NFATC4: variants seen among roughly 807,000 people sequenced by gnomAD.
NFATC4 encodes the protein nuclear factor of activated T-cells, cytoplasmic 4.
Under a neutral mutation model 73.4 loss-of-function variants are expected in NFATC4, and 25 were observed. The ratio of observed to expected loss-of-function variants is 0.34; its 90% CI spans 0.25 to 0.48. NFATC4 has a LOEUF of 0.48. Ranked by LOEUF, NFATC4 falls within the 20% of genes least tolerant of loss-of-function variation. The pLI is 0.99. For missense variants in NFATC4, 1,130 were observed against 1,203.7 expected, an observed-to-expected ratio of 0.94 and a Z score of 0.91; for synonymous variants, 523 against 510.3, an observed-to-expected ratio of 1.02 and a Z score of -0.34.
At chr14:24,367,534 C>A, upstream of NFATC4, 1 of 1,536,026 alleles carries the variant, frequency 6.5e-7, no homozygotes, top group Non-Finnish European at 8.7e-7. Context: ...CGGACTGCTC[C>A]CAGAGGCATC....
intron 1 of NFATC4, 126 bp downstream of exon 1, chr14:24,368,566 G>C (rs554009643): frequency 2.9e-6 from 3 of 1,050,112 alleles, no homozygotes; most frequent in African/African-American, 3.3e-5. Context: ...AAGGGAGTCG[G>C]GGGGACTCGT....
In NFATC4 at chr14:24,377,866, G is replaced by A. The variant is rs563647155; in HGVS notation, c.*161G>A. The A allele has an allele frequency of 4.9e-5, 70 of 1,414,858 alleles. No homozygotes were observed. The highest frequency in any genetic ancestry group is 9.4e-7 in the Non-Finnish European group (1 of 1,058,316). 87.6% of individuals were successfully genotyped at this position (1,414,858 alleles called of 1,614,324 possible). A position where few individuals can be genotyped will look rare whatever the true frequency, so the allele number is the denominator to read the frequency against. ...CTGTCTTCCCTCCCCTCCCCCAGCTGAGGTGTGGCCCTCAGGCCTGGTGCT... is the reference window on the plus strand; with the variant it reads ...CTGTCTTCCCTCCCCTCCCCCAGCTAAGGTGTGGCCCTCAGGCCTGGTGCT... On this transcript the variant is annotated 3_prime_UTR_variant, in exon 10 of 10. Transcript: ENST00000250373. This position sits in a 1 kb window ranked among gnomAD's most constrained non-coding sequence, Gnocchi z 4.2.
At position 24,377,994 on chromosome 14, in the gene NFATC4, G is replaced by A. The variant is rs903987807; in HGVS notation, c.*289G>A. ...GAGTGAAGGCGTGTCTAGAGTGTGG[G>A]CTGGCTGTTGTGCTGGAAAGCTGGG... On this transcript the variant is annotated 3_prime_UTR_variant, in exon 10 of 10. Coordinates refer to ENST00000250373, the MANE Select transcript of NFATC4 (RefSeq NM_004554.5). This position sits in a 1 kb window ranked among gnomAD's most constrained non-coding sequence, Gnocchi z 4.2. The A allele has an allele frequency of 7.4e-6, 4 of 543,514 alleles. No individual in the cohort carries two copies. The highest frequency in any genetic ancestry group is 1.3e-5 in the Non-Finnish European group (4 of 310,560). 33.7% of individuals were successfully genotyped at this position (543,514 alleles called of 1,614,324 possible). A position where few individuals can be genotyped will look rare whatever the true frequency, so the allele number is the denominator to read the frequency against.
In NFATC4 at chr14:24,377,634, A is replaced by G. The variant is rs1343526857; in HGVS notation, c.2642-4A>G. The stretch of plus-strand genomic sequence containing the variant: ...CCAGTCTCTCAACTGCCCCTCCTTT[A>G]CAGTGAGTGAGATCATTGGCCGAGA... On this transcript the variant is annotated splice_region_variant and splice_polypyrimidine_tract_variant and intron_variant, in intron 9 of 9. Transcript: ENST00000250373. The surrounding 1 kb of genome is among the most constrained non-coding windows in gnomAD (Gnocchi z 4.2). 2.5e-6 allele frequency: 4 copies of G among 1,614,130 alleles called. No individual in the cohort carries two copies. The Middle Eastern group carries it at 4.9e-4, about 200-fold the overall frequency.
In NFATC4 at chr14:24,370,181, G is replaced by A. The variant is rs149951436; in HGVS notation, c.783G>A (p.Arg261=). Residue 261 remains arginine (R), a synonymous_variant, in exon 2 of 10, where the codon CGG becomes CGA. Transcript: ENST00000250373. ...SAPGPTPASP[R]PASPCGKRRY... is the part of the protein sequence containing the mutation. Reference sequence around the variant, plus strand: ...CTGGGCCCACCCCAGCCTCCCCGCGGCCTGCCTCTCCATGTGGCAAGCGGC... The same window carrying A: ...CTGGGCCCACCCCAGCCTCCCCGCGACCTGCCTCTCCATGTGGCAAGCGGC... 72 of 1,605,774 alleles carry A rather than the reference G, an allele frequency of 4.5e-5. No individual in the cohort carries two copies. The African/African-American group carries it at 9.1e-4, about 20-fold the overall frequency.
rs1315651457 is a variant in NFATC4 at position 24,374,433 on chromosome 14, G to C, written c.1840G>C (p.Asp614His). Residue 614 changes from aspartate (D) to histidine (H), a missense_variant, in exon 6 of 10, where the codon GAC becomes CAC. Around this residue, in one of 3 missense-constraint regions of NFATC4, gnomAD observed 390 missense variants for 408.1 expected, o/e 0.96. Transcript: ENST00000250373. Reference sequence around the variant, plus strand: ...ACTGACTGGCTCCAACTTCCTGCCAGACTCCAAGGTGGTGTTCATTGAGAG... The same window carrying C: ...ACTGACTGGCTCCAACTTCCTGCCACACTCCAAGGTGGTGTTCATTGAGAG... ...LVLTGSNFLP[D>H]SKVVFIERGP... 1.2e-6 allele frequency: 2 copies of C among 1,613,940 alleles called. No homozygotes were observed. The highest frequency in any genetic ancestry group is 1.7e-6 in the Non-Finnish European group (2 of 1,179,958).
At position 24,377,157 on chromosome 14, in the gene NFATC4, A is replaced by C; in HGVS notation, c.2641+279A>C. 1 of 1,294,436 alleles carries C rather than the reference A, an allele frequency of 7.7e-7. No individual in the cohort carries two copies. The highest frequency in any genetic ancestry group is 9.7e-7 in the Non-Finnish European group (1 of 1,025,898). The allele number at this position is 1,294,436 out of a possible 1,614,324, so 80.2% of individuals were successfully genotyped here. On this transcript the variant is annotated intron_variant, in intron 9 of 9. Transcript: ENST00000250373. The surrounding 1 kb of genome is among the most constrained non-coding windows in gnomAD (Gnocchi z 4.2). ...AATCTCAGAGCTAGAAGCACTTTCA[A>C]GATCATTCCATCCAGCGCATTCAAT...
rs930968421 is a variant in NFATC4 at position 24,379,090 on chromosome 14, C to G, written c.*1385C>G. The G allele has an allele frequency of 1.3e-5, 2 of 152,236 alleles. No individual in the cohort carries two copies. The highest frequency in any genetic ancestry group is 2.9e-5 in the Non-Finnish European group (2 of 68,068). The allele number at this position is 152,236 out of a possible 1,614,324, so 9.4% of individuals were successfully genotyped here. A position where few individuals can be genotyped will look rare whatever the true frequency, so the allele number is the denominator to read the frequency against. On this transcript the variant is annotated 3_prime_UTR_variant, in exon 10 of 10. Coordinates refer to ENST00000250373, the MANE Select transcript of NFATC4 (RefSeq NM_004554.5). ...TCTATGCCCAATGAGTCCAGGCAGT[C>G]CTAGCAAGTACTCAGGAGAGCAGGG...
chr14:24,374,151 C>T lies in NFATC4; in HGVS notation c.1733-175C>T, dbSNP rs543151338. 2.6e-4 allele frequency: 246 copies of T among 939,414 alleles called. No homozygotes were observed. In the Admixed American group the frequency reaches 3.6e-3, roughly 14 times the overall value. The allele number at this position is 939,414 out of a possible 1,614,324, so 58.2% of individuals were successfully genotyped here. A position where few individuals can be genotyped will look rare whatever the true frequency, so the allele number is the denominator to read the frequency against. The stretch of plus-strand genomic sequence containing the variant: ...TTTAACCCTCTCTCTGCTCTGGGAG[C>T]GGCCCCTTACATGGTGTATGTGACT... On this transcript the variant is annotated intron_variant, in intron 5 of 9. Transcript: ENST00000250373.
rs748276093 is a variant in NFATC4 at position 24,370,320 on chromosome 14, G to C, written c.922G>C (p.Asp308His). 1.2e-6 allele frequency: 2 copies of C among 1,611,532 alleles called. No individual in the cohort carries two copies. Among genetic ancestry groups the C allele is most frequent in the Non-Finnish European group, 1.7e-6 (2 of 1,178,272 alleles). Residue 308 changes from aspartate to histidine, a missense_variant, in exon 2 of 10, where the codon GAC becomes CAC. Transcript: ENST00000250373. ...ACCACCCCCATTGCCTCTGGCCCGG[G>C]ACCCGGGCTCCCCTGGTCCCTTTGA... Reference protein sequence around the residue: ...PPPPPLPLARDPGSPGPFDYV... With the variant: ...PPPPPLPLARHPGSPGPFDYV...
At position 24,369,698 on chromosome 14, in the gene NFATC4, G is replaced by C; in HGVS notation, c.300G>C (p.Gly100=). The C allele has an allele frequency of 6.2e-7, 1 of 1,609,082 alleles. No homozygotes were observed. ...CGGTGAGGCTGGGAGGACCAGGAGGGGGTGCTGGGGGTGCTGGGGGTGGCC... is the reference window on the plus strand; with the variant it reads ...CGGTGAGGCTGGGAGGACCAGGAGGCGGTGCTGGGGGTGCTGGGGGTGGCC... ...ARSVRLGGPG[G]GAGGAGGGRV... Residue 100 remains glycine (G), a synonymous_variant, in exon 2 of 10, where the codon GGG becomes GGC. Transcript: ENST00000250373.
chr14:24,370,662 A>T, intron 2 of NFATC4, 68 bp downstream of exon 2: 1 of 1,538,378 alleles, frequency 6.5e-7, no homozygotes, highest in Non-Finnish European at 8.8e-7. Flanking sequence ...GGGTCAAGGG[A>T]TGGATTTGAA....
At chr14:24,367,811 G>A (rs1483940936), upstream of NFATC4, among the ~76,000 whole-genome samples, 1 of 152,200 alleles carries the variant, frequency 6.6e-6, no homozygotes, top group Admixed American at 6.5e-5. Flanking sequence ...TTAAAAAAGG[G>A]TCTTCCGTGG....
At chr14:24,367,275 C>A, upstream of NFATC4, 1 of 1,589,226 alleles carries the variant, frequency 6.3e-7, no homozygotes, top group Non-Finnish European at 8.6e-7. Flanking sequence ...GGAGGGGAAC[C>A]CACAGGGTCC....
chr14:24,374,010 T>C, intron 5 of NFATC4, 143 bp downstream of exon 5: 1 of 1,253,834 alleles, frequency 8.0e-7, no homozygotes, highest in South Asian at 1.3e-5. Context: ...CTTCTTTCTA[T>C]TCTAGTTTGC....
Position 24,375,648 on chromosome 14 carries a change from C to G in NFATC4, c.1874-12C>G. The G allele has an allele frequency of 6.4e-7, 1 of 1,553,818 alleles. No homozygotes were observed. Among genetic ancestry groups the G allele is most frequent in the Non-Finnish European group, 8.7e-7 (1 of 1,147,924 alleles). ...TGGAGTTGGGCTGCAGCTCTCTGTT[C>G]CCTCTGGACAGATGGGAAGCTGCAA... On this transcript the variant is annotated splice_polypyrimidine_tract_variant and intron_variant, in intron 6 of 9. Transcript: ENST00000250373.
rs2042543604 is a variant in NFATC4 at position 24,373,969 on chromosome 14, T to A, written c.1732+102T>A. On this transcript the variant is annotated intron_variant, in intron 5 of 9. Coordinates refer to ENST00000250373, the MANE Select transcript of NFATC4 (RefSeq NM_004554.5). The surrounding 1 kb of genome is among the most constrained non-coding windows in gnomAD (Gnocchi z 4.7). ...TCCCTCTGCAGCGTCCTGTGCCCTG[T>A]CTGTCCTGGGTAGCTCTATAGAGGA... 1.3e-6 allele frequency: 2 copies of A among 1,501,176 alleles called. No homozygotes were observed. Among genetic ancestry groups the A allele is most frequent in the East Asian group, 2.4e-5 (1 of 41,396 alleles). The allele number at this position is 1,501,176 out of a possible 1,614,324, so 93.0% of individuals were successfully genotyped here. A position where few individuals can be genotyped will look rare whatever the true frequency, so the allele number is the denominator to read the frequency against.
intron 5 of NFATC4, 193 bp from the exon 6 acceptor site, chr14:24,374,133 C>T: frequency 1.1e-6 from 1 of 898,470 alleles, no homozygotes; most frequent in Non-Finnish European, 1.8e-6. Context: ...CTGTTTAACC[C>T]TCTCTCTGCT....
chr14:24,369,765 C>T lies in NFATC4; in HGVS notation c.367C>T (p.Pro123Ser), dbSNP rs1405291403. 6.3e-7 allele frequency: 1 copy of T among 1,599,548 alleles called. No homozygotes were observed. The highest frequency in any genetic ancestry group is 8.5e-7 in the Non-Finnish European group (1 of 1,173,258). ...CAGCATCCGCATCACCTCCATCTCT[C>T]CCACGCCGGAGCCGCCAGCAGCGCT... ...CPSIRITSISPTPEPPAALED... is the reference protein window; with the variant it reads ...CPSIRITSISSTPEPPAALED... The change falls in exon 2 of 10, where the codon CCC becomes TCC. Residue 123 changes from proline to serine, a missense_variant. Pro to Ser is a moderately conservative substitution (Grantham distance 74, BLOSUM62 -1). Transcript: ENST00000250373.
Sources: allele counts gnomAD v4.1 joint callset (sites outside exome capture counted in the v4.1 genomes callset), GRCh38; gene constraint gnomAD v4.1.1; regional missense constraint gnomAD v4.1.1; non-coding constraint Gnocchi (gnomAD v3.1); transcripts MANE v1.5; gene names NCBI Gene and HGNC (gene_info 2026-07-23, HGNC 2026-07-21).